The following G3BP2 variants were observed in gnomAD, a reference collection of about 807,000 sequenced individuals.
The protein encoded by G3BP2 is ras GTPase-activating protein-binding protein 2.
G3BP2 carries 11 observed loss-of-function variants against 56.7 expected under a neutral mutation model. The observed-to-expected ratio is 0.19, with a 90% CI of 0.12 to 0.32. G3BP2 has a LOEUF of 0.32. G3BP2 is among the 10% of genes least tolerant of loss of function. The pLI is 1.00. For missense variants in G3BP2, 340 were observed against 610.9 expected, an observed-to-expected ratio of 0.56 and a Z score of 4.67; for synonymous variants, 165 against 191.6, an observed-to-expected ratio of 0.86 and a Z score of 1.15.
chr4:75,649,921 G>A (rs1438465865), intron 8 of G3BP2, among the ~76,000 whole-genome samples: 1 of 152,136 alleles, frequency 6.6e-6, no homozygotes, highest in Non-Finnish European at 1.5e-5. Context: ...TGAGGCAGGA[G>A]AATCGCTTGA....
intron 3 of G3BP2, among the ~76,000 whole-genome samples, chr4:75,686,873 C>T (rs1473341022): frequency 2.0e-5 from 3 of 152,114 alleles, no homozygotes; most frequent in Non-Finnish European, 4.4e-5. Flanking sequence ...GCTTAACTTC[C>T]ATAAATAGTC....
chr4:75,673,122 G>A lies in G3BP2; in HGVS notation c.-25+86C>T, dbSNP rs576992926. On this transcript the variant is annotated intron_variant, in intron 1 of 11. Transcript: ENST00000359707. ...CCTCCGGCTCCCGGGCTCACACACC[G>A]GACGATTGCCTCGCGCCGCGGAGCG... 131 of 1,087,406 alleles carry A rather than the reference G, an allele frequency of 1.2e-4. No homozygotes were observed. The African/African-American group carries it at 1.9e-3, about 15-fold the overall frequency. 67.4% of individuals were successfully genotyped at this position (1,087,406 alleles called of 1,614,324 possible).
At chr4:75,711,872 T>C (rs1719772898) in intron 3 of G3BP2, among the ~76,000 whole-genome samples, 1 of 152,162 alleles carries the variant, frequency 6.6e-6, no homozygotes, top group Non-Finnish European at 1.5e-5. Context: ...GTAGTTTTGT[T>C]GGGGTTCCAG....
intron 2 of G3BP2, 115 bp downstream of exon 2, chr4:75,661,816 G>C: frequency 1.6e-6 from 1 of 618,580 alleles, no homozygotes; most frequent in Non-Finnish European, 2.9e-6. Context: ...ATACAGTTTA[G>C]ACATGTTTAC....
intron 3 of G3BP2, among the ~76,000 whole-genome samples, chr4:75,717,638 C>A (rs908025400): frequency 2.6e-5 from 4 of 152,118 alleles, no homozygotes; most frequent in Admixed American, 2.0e-4. Context: ...TTGGCATCAC[C>A]CAATGCGAAC....
intron 9 of G3BP2, 93 bp downstream of exon 9, chr4:75,648,546 G>T: frequency 1.6e-6 from 1 of 640,038 alleles, no homozygotes. Flanking sequence ...ATATGGGTCT[G>T]TGTATAGAAC....
At chr4:75,652,860 A>C (rs994018204) in intron 8 of G3BP2, among the ~76,000 whole-genome samples, 1 of 152,200 alleles carries the variant, frequency 6.6e-6, no homozygotes, top group African/African-American at 2.4e-5. Flanking sequence ...CAAAGGCATA[A>C]GCACTAGCTA....
chr4:75,718,496 A>G (rs1393608013), intron 3 of G3BP2, among the ~76,000 whole-genome samples: 1 of 152,234 alleles, frequency 6.6e-6, no homozygotes, highest in African/African-American at 2.4e-5. Context: ...AAGCAGTTTA[A>G]GTACGTTAGG....
intron 10 of G3BP2, 87 bp from the exon 11 acceptor site, chr4:75,646,543 C>A: frequency 1.2e-6 from 1 of 828,714 alleles, no homozygotes; most frequent in South Asian, 1.4e-5. Context: ...ATATCGTTAT[C>A]TCCCCGATCC....
intron 3 of G3BP2, among the ~76,000 whole-genome samples, chr4:75,681,536 A>T (rs1447375921): frequency 2.6e-5 from 4 of 151,884 alleles, no homozygotes; most frequent in African/African-American, 9.7e-5. Context: ...GAGATTAACA[A>T]TTACTAATGA....
intron 1 of G3BP2, among the ~76,000 whole-genome samples, chr4:75,664,706 G>A (rs893305693): frequency 1.3e-5 from 2 of 152,078 alleles, no homozygotes; most frequent in Non-Finnish European, 2.9e-5. Flanking sequence ...ATAATTAGCA[G>A]AGCTGATGGC....
chr4:75,695,126 C>G (rs1451457253), intron 3 of G3BP2, among the ~76,000 whole-genome samples: 3 of 152,104 alleles, frequency 2.0e-5, no homozygotes, highest in African/African-American at 7.2e-5. Flanking sequence ...CATGGTAAAA[C>G]TAATCAACAT....
chr4:75,672,004 C>G lies in G3BP2; in HGVS notation c.-25+1204G>C, dbSNP rs117931367. 5.3e-4 allele frequency among the ~76,000 whole-genome samples: 81 copies of G among 152,294 alleles called. 1 individual carries two copies. In the East Asian group the frequency reaches 0.01, roughly 19 times the overall value. On this transcript the variant is annotated intron_variant, in intron 1 of 11. Transcript: ENST00000359707. ...GCTCTCTTAACGACAGTTAATGTTT[C>G]CTAGATCCAGGTACCTGCAACACTA...
intron 1 of G3BP2, among the ~76,000 whole-genome samples, chr4:75,664,062 T>C (rs769025340): frequency 6.6e-6 from 1 of 150,994 alleles, no homozygotes; most frequent in South Asian, 2.1e-4. Context: ...TTTTGTATTA[T>C]TAGTAGAGAC....
intron 3 of G3BP2, among the ~76,000 whole-genome samples, chr4:75,720,839 A>C (rs1049824244): frequency 2.1e-5 from 3 of 145,658 alleles, no homozygotes; most frequent in African/African-American, 7.4e-5. Flanking sequence ...AAATAAATAA[A>C]TAAAAATATT....
chr4:75,677,526 G>A (rs1015703513), upstream of G3BP2, among the ~76,000 whole-genome samples: 13 of 151,550 alleles, frequency 8.6e-5, no homozygotes, highest in African/African-American at 2.9e-4. Flanking sequence ...ACCCGAGATC[G>A]CACCACTTCA....
At chr4:75,657,473 T>C in intron 4 of G3BP2, 84 bp downstream of exon 4, 1 of 990,770 alleles carries the variant, frequency 1.0e-6, no homozygotes. Flanking sequence ...AATATGCAAA[T>C]CTAAACCTAT....
At chr4:75,684,284 A>T (rs1003998535) in intron 3 of G3BP2, among the ~76,000 whole-genome samples, 5 of 152,070 alleles carry the variant, frequency 3.3e-5, no homozygotes, top group African/African-American at 1.2e-4. Flanking sequence ...ATGTGCCTGT[A>T]GTCCCAGCTA....
chr4:75,678,594 C>G (rs1212486668), intron 3 of G3BP2, among the ~76,000 whole-genome samples: 1 of 152,144 alleles, frequency 6.6e-6, no homozygotes, highest in Admixed American at 6.5e-5. Flanking sequence ...GCAGGAGGAT[C>G]ACTTGAACCC....
Sources: gnomAD v4.1 joint callset for allele counts (sites outside exome capture counted in the v4.1 genomes callset) on GRCh38, gnomAD v4.1.1 for gene constraint, MANE v1.5 for transcripts, NCBI Gene and HGNC (gene_info 2026-07-23, HGNC 2026-07-21) for gene names.